CNTN4: variants seen among roughly 807,000 people sequenced by gnomAD.
CNTN4 encodes the protein contactin-4.
Under a neutral mutation model 122.5 loss-of-function variants are expected in CNTN4, and 77 were observed. The observed-to-expected ratio is 0.63, with a 90% CI of 0.52 to 0.76. The LOEUF (loss-of-function observed/expected upper bound fraction) is 0.76, where lower values mean the gene tolerates loss of function less well. Ranked by LOEUF, CNTN4 falls within the 30% of genes least tolerant of loss-of-function variation. The probability of loss-of-function intolerance (pLI) is 0.00; values close to 1 mark genes in which losing one functional copy is unlikely to be tolerated. For synonymous variants in CNTN4, 512 were observed against 447.0 expected (o/e 1.15, Z -1.83); for missense variants, 1,256 against 1,259.1 (o/e 1.00, Z 0.04).
intron 4 of CNTN4, among the ~76,000 whole-genome samples, chr3:2,584,525 G>A (rs2619565): frequency 0.41 from 62,668 of 151,368 alleles, 14,729 homozygotes; most frequent in East Asian, 0.54. Flanking sequence ...CCAACATGGC[G>A]AAACCCCATC....
intron 16 of CNTN4, among the ~76,000 whole-genome samples, chr3:3,032,206 T>C (rs981570034): frequency 1.1e-4 from 17 of 152,186 alleles, no homozygotes; most frequent in African/African-American, 3.6e-4. Flanking sequence ...AGAAATGTGT[T>C]TATTTCCATT....
chr3:2,601,400 A>G (rs1302371272), intron 4 of CNTN4, among the ~76,000 whole-genome samples: 1 of 152,214 alleles, frequency 6.6e-6, no homozygotes, highest in Non-Finnish European at 1.5e-5. Flanking sequence ...GAAGGGATCC[A>G]GTTTCAGCTT....
chr3:2,796,356 A>G (rs777276531), intron 6 of CNTN4, among the ~76,000 whole-genome samples: 5 of 152,132 alleles, frequency 3.3e-5, no homozygotes, highest in Non-Finnish European at 5.9e-5. Flanking sequence ...GTATGGCATG[A>G]CATGAATTTG....
chr3:3,039,151 A>T (rs1174725333), intron 19 of CNTN4, 148 bp downstream of exon 19: 14 of 725,388 alleles, frequency 1.9e-5, no homozygotes, highest in East Asian at 1.1e-4. Context: ...CACGTAGCTA[A>T]TGGCTAGCAG....
At chr3:2,953,114 A>G (rs1006387812) in intron 13 of CNTN4, among the ~76,000 whole-genome samples, 18 of 152,208 alleles carry the variant, frequency 1.2e-4, no homozygotes, top group African/African-American at 4.3e-4. Context: ...TGTGTCCACT[A>G]TATGAAGCAT....
chr3:2,275,939 A>C (rs201299751), intron 2 of CNTN4, among the ~76,000 whole-genome samples: 42 of 30,930 alleles, frequency 1.4e-3, no homozygotes, highest in African/African-American at 3.5e-3. Flanking sequence ...AAAAAAAAAC[A>C]AAAAAAAATA....
At position 2,202,486 on chromosome 3, in the gene CNTN4, A is replaced by C. The variant is rs2038145350; in HGVS notation, c.-145+101847A>C. On this transcript the variant is annotated intron_variant, in intron 2 of 24. Coordinates refer to ENST00000418658, the MANE Select transcript of CNTN4 (RefSeq NM_175607.3). ...AGGATCAATTTGTAACTGGATTTGA[A>C]ACCTGATCAGACTATTAGAACCCTA... Among the ~76,000 whole-genome samples the C allele has an allele frequency of 2.0e-5, 3 of 152,230 alleles. No individual in the cohort carries two copies. In the South Asian group the frequency reaches 6.2e-4, roughly 32 times the overall value.
chr3:2,445,695 T>A (rs2048600597), intron 3 of CNTN4, among the ~76,000 whole-genome samples: 1 of 152,184 alleles, frequency 6.6e-6, no homozygotes, highest in Non-Finnish European at 1.5e-5. Flanking sequence ...CCTTTGCATT[T>A]TTTCATGTCT....
At chr3:2,908,706 T>A (rs1293807156) in intron 12 of CNTN4, among the ~76,000 whole-genome samples, 1 of 152,236 alleles carries the variant, frequency 6.6e-6, no homozygotes, top group Non-Finnish European at 1.5e-5. Flanking sequence ...TGATTTTGCT[T>A]ATATATGTGA....
intron 6 of CNTN4, among the ~76,000 whole-genome samples, chr3:2,796,549 A>G (rs137964845): frequency 1.3e-5 from 2 of 152,336 alleles, no homozygotes; most frequent in African/African-American, 4.8e-5. Context: ...TTAATACACA[A>G]GCTAAATATA....
At chr3:2,389,653 C>G (rs574491991) in intron 3 of CNTN4, among the ~76,000 whole-genome samples, 2 of 152,076 alleles carry the variant, frequency 1.3e-5, no homozygotes, top group Non-Finnish European at 2.9e-5. Context: ...GAAAATGGAT[C>G]TTATCTATCT....
chr3:2,973,240 T>C (rs1693104257), intron 13 of CNTN4, among the ~76,000 whole-genome samples: 1 of 152,074 alleles, frequency 6.6e-6, no homozygotes, highest in South Asian at 2.1e-4. Flanking sequence ...AAGTTTCTCC[T>C]ATGCAAAACA....
At chr3:2,597,465 G>A (rs1338116359) in intron 4 of CNTN4, among the ~76,000 whole-genome samples, 1 of 152,142 alleles carries the variant, frequency 6.6e-6, no homozygotes, top group African/African-American at 2.4e-5. Context: ...ATAAAAATGC[G>A]AAAGTATTGT....
At chr3:2,530,516 G>A (rs372889716) in intron 3 of CNTN4, among the ~76,000 whole-genome samples, 2 of 151,872 alleles carry the variant, frequency 1.3e-5, no homozygotes, top group Non-Finnish European at 2.9e-5. Context: ...CACCATGTTG[G>A]CCAGGATGGT....
At chr3:2,581,760 C>T (rs2079950217) in intron 4 of CNTN4, among the ~76,000 whole-genome samples, 1 of 152,102 alleles carries the variant, frequency 6.6e-6, no homozygotes, top group Non-Finnish European at 1.5e-5. Context: ...AAATGTCTAT[C>T]AATTGATAAA....
intron 18 of CNTN4, 180 bp downstream of exon 18, chr3:3,037,508 T>A: frequency 1.2e-6 from 1 of 800,532 alleles, no homozygotes; most frequent in Non-Finnish European, 2.1e-6. Context: ...CGCAACGGGT[T>A]TCAATCAAGA....
chr3:2,407,183 T>A (rs564263523), intron 3 of CNTN4, among the ~76,000 whole-genome samples: 8 of 152,320 alleles, frequency 5.3e-5, no homozygotes, highest in Non-Finnish European at 1.0e-4. Flanking sequence ...AATAAATGTT[T>A]GATTAATAAG....
rs556160041 is a variant in CNTN4 at position 2,175,131 on chromosome 3, TTAATC to T, written c.-145+74495_-145+74499del. 3.7e-3 allele frequency among the ~76,000 whole-genome samples: 560 copies of T among 152,330 alleles called. 4 individuals are homozygous for T. The highest frequency in any genetic ancestry group is 4.6e-3 in the Non-Finnish European group (316 of 68,024). On this transcript the variant is annotated intron_variant, in intron 2 of 24. Coordinates refer to ENST00000418658, the MANE Select transcript of CNTN4 (RefSeq NM_175607.3). ...ATGGAAATATGTATAAGACATTTAT[TTAATC>T]TATAAAATAAGATCTCTAATGAATG...
At chr3:2,441,742 TATTTTACCC>T (rs1370670876) in intron 3 of CNTN4, among the ~76,000 whole-genome samples, 1 of 152,164 alleles carries the variant, frequency 6.6e-6, no homozygotes, top group East Asian at 1.9e-4. Context: ...ATTTTCATCA[TATTTTACCC>T]AAGGACACTG....
Sources: gnomAD v4.1 joint callset for allele counts (sites outside exome capture counted in the v4.1 genomes callset) on GRCh38, gnomAD v4.1.1 for gene constraint, MANE v1.5 for transcripts, NCBI Gene and HGNC (gene_info 2026-07-23, HGNC 2026-07-21) for gene names.